The following CHODL variants were observed in gnomAD, a reference collection of about 807,000 sequenced individuals.
CHODL encodes the protein chondrolectin.
A neutral mutation model predicts 34.5 loss-of-function variants in CHODL; 29 were observed. The ratio of observed to expected loss-of-function variants is 0.84; its 90% CI spans 0.63 to 1.15. The LOEUF is 1.15. Among genes scored for constraint, CHODL ranks in the 50% most tolerant of loss-of-function variants. The pLI, the probability that CHODL is intolerant of heterozygous loss-of-function variation, is 0.00. For synonymous variants in CHODL, 125 were observed against 116.1 expected, an observed-to-expected ratio of 1.08 and a Z score of -0.49; for missense variants, 332 against 332.5, an observed-to-expected ratio of 1.00 and a Z score of 0.01.
chr21:18,257,940 GA>G (rs1453063018), intron 3 of CHODL, among the ~76,000 whole-genome samples: 1 of 152,076 alleles, frequency 6.6e-6, no homozygotes, highest in African/African-American at 2.4e-5. Context: ...TAGGCTTTGA[GA>G]TTTTTTTTGC....
chr21:18,231,206 T>C (rs1166059981), intron 2 of CHODL, among the ~76,000 whole-genome samples: 1 of 152,116 alleles, frequency 6.6e-6, no homozygotes, highest in Admixed American at 6.6e-5. Context: ...GGTATTCCAA[T>C]AAACATTTTG....
intron 1 of CHODL, among the ~76,000 whole-genome samples, chr21:17,996,711 C>A (rs1024754492): frequency 2.0e-5 from 3 of 152,156 alleles, no homozygotes; most frequent in African/African-American, 7.2e-5. Flanking sequence ...TGAAAAGGAA[C>A]TTTTTAATAA....
intron 1 of CHODL, among the ~76,000 whole-genome samples, chr21:18,019,157 A>G (rs919338223): frequency 6.6e-6 from 1 of 152,256 alleles, no homozygotes; most frequent in Non-Finnish European, 1.5e-5. Flanking sequence ...TAAGATATCA[A>G]AAATGCTAGT....
intron 2 of CHODL, among the ~76,000 whole-genome samples, chr21:18,195,136 G>A (rs2073570614): frequency 1.3e-5 from 2 of 151,620 alleles, no homozygotes; most frequent in South Asian, 2.1e-4. Flanking sequence ...CTCACTGCAG[G>A]CTCTGCCTCC....
intron 2 of CHODL, among the ~76,000 whole-genome samples, chr21:18,166,051 G>T (rs1348107902): frequency 6.6e-6 from 1 of 152,160 alleles, no homozygotes; most frequent in Non-Finnish European, 1.5e-5. Flanking sequence ...GTTTCGTAAA[G>T]CTGGAATTAA....
In CHODL at chr21:18,246,509, C is replaced by T. The variant is rs568396332; in HGVS notation, c.79+1207C>T. On this transcript the variant is annotated intron_variant, in intron 1 of 5. Coordinates refer to ENST00000299295, the MANE Select transcript of CHODL (RefSeq NM_024944.3). ...ATATAGTTCTTACATGTGTAGTTACCGATCACTCTACACTTTTTTCAGAAT... is the reference window on the plus strand; with the variant it reads ...ATATAGTTCTTACATGTGTAGTTACTGATCACTCTACACTTTTTTCAGAAT... Among the ~76,000 whole-genome samples the T allele has an allele frequency of 6.6e-5, 10 of 152,172 alleles. No individual in the cohort carries two copies. In the East Asian group the frequency reaches 1.7e-3, roughly 27 times the overall value.
At chr21:18,046,700 C>T (rs2146461823) in intron 2 of CHODL, among the ~76,000 whole-genome samples, 1 of 151,938 alleles carries the variant, frequency 6.6e-6, no homozygotes, top group Admixed American at 6.6e-5. Context: ...TGCTAAAAGC[C>T]TAATTAGTTA....
rs574327304 is a variant in CHODL, at chr21:17,938,565, G to A, written c.-145+21165G>A. On this transcript the variant is annotated intron_variant, in intron 1 of 6. Coordinates refer to the CHODL transcript ENST00000400127. The stretch of plus-strand genomic sequence containing the variant: ...TCGATCTCGGCTCACTGCAAGCTCC[G>A]CCTCCCGGGTTCGCGCCATTCTCCT... Among the ~76,000 whole-genome samples, 1,074 of 130,972 alleles carry A rather than the reference G, an allele frequency of 8.2e-3. 14 individuals are homozygous for A. The highest frequency in any genetic ancestry group is 0.029 in the African/African-American group (994 of 34,568). 85.9% of individuals were successfully genotyped at this position (130,972 alleles called of 152,430 possible). A position where few individuals can be genotyped will look rare whatever the true frequency, so the allele number is the denominator to read the frequency against.
At chr21:18,028,731 CTTG>C (rs1223361990) in intron 2 of CHODL, among the ~76,000 whole-genome samples, 2 of 140,502 alleles carry the variant, frequency 1.4e-5, no homozygotes, top group East Asian at 4.3e-4. Flanking sequence ...AAGAACTAGT[CTTG>C]TTAACTACTT....
At chr21:17,985,701 C>G (rs564061788) in intron 1 of CHODL, among the ~76,000 whole-genome samples, 1 of 152,166 alleles carries the variant, frequency 6.6e-6, no homozygotes, top group South Asian at 2.1e-4. Flanking sequence ...TCCACCATTA[C>G]GGGTCAATTT....
chr21:17,946,199 C>T (rs985563936), intron 1 of CHODL, among the ~76,000 whole-genome samples: 2 of 152,158 alleles, frequency 1.3e-5, no homozygotes, highest in African/African-American at 2.4e-5. Context: ...GGGCGGATCA[C>T]GAGGGCAGGA....
chr21:18,215,836 T>G (rs2073822486), intron 2 of CHODL, among the ~76,000 whole-genome samples: 1 of 152,160 alleles, frequency 6.6e-6, no homozygotes, highest in African/African-American at 2.4e-5. Flanking sequence ...GAGTTTACTC[T>G]CAAACTTCTT....
intron 2 of CHODL, among the ~76,000 whole-genome samples, chr21:18,031,140 C>T (rs1424553161): frequency 6.6e-6 from 1 of 152,064 alleles, no homozygotes; most frequent in Non-Finnish European, 1.5e-5. Context: ...CTGGCAATAT[C>T]TAGGAAGATG....
intron 2 of CHODL, among the ~76,000 whole-genome samples, chr21:18,213,141 A>C (rs1292086442): frequency 6.6e-6 from 1 of 152,144 alleles, no homozygotes; most frequent in East Asian, 1.9e-4. Flanking sequence ...ATTGCAAGTA[A>C]TGATTTGATC....
intron 1 of CHODL, among the ~76,000 whole-genome samples, chr21:17,993,516 G>T (rs2146390975): frequency 6.6e-6 from 1 of 152,270 alleles, no homozygotes; most frequent in East Asian, 1.9e-4. Flanking sequence ...ATGGCCTCCA[G>T]TGCCATCATG....
chr21:18,214,704 T>C (rs2073806702), intron 2 of CHODL, among the ~76,000 whole-genome samples: 1 of 152,100 alleles, frequency 6.6e-6, no homozygotes. Context: ...ATCTAAAATT[T>C]GACAAGCACT....
chr21:18,004,903 A>T (rs1369796793), intron 1 of CHODL, among the ~76,000 whole-genome samples: 1 of 151,994 alleles, frequency 6.6e-6, no homozygotes, highest in East Asian at 1.9e-4. Context: ...GTGTGTGATG[A>T]TATCCTGTTA....
At chr21:18,015,509 T>G (rs2064064060) in intron 1 of CHODL, among the ~76,000 whole-genome samples, 2 of 151,998 alleles carry the variant, frequency 1.3e-5, no homozygotes, top group South Asian at 2.1e-4. Context: ...TACCGAGAAT[T>G]GGTACCAGAG....
chr21:18,019,513 T>C (rs943520561), intron 1 of CHODL, among the ~76,000 whole-genome samples: 1 of 152,164 alleles, frequency 6.6e-6, no homozygotes, highest in Non-Finnish European at 1.5e-5. Context: ...ATGCTTAAGA[T>C]GATGAGTACC....
Sources: gnomAD v4.1 joint callset for allele counts (sites outside exome capture counted in the v4.1 genomes callset) on GRCh38, gnomAD v4.1.1 for gene constraint, MANE v1.5 for transcripts, NCBI Gene and HGNC (gene_info 2026-07-23, HGNC 2026-07-21) for gene names.